The following ANO5 variants were observed in gnomAD, a reference collection of about 807,000 sequenced individuals.
ANO5 encodes the protein anoctamin 5.
In ANO5, 109 loss-of-function variants were observed where a neutral mutation model predicts 121.0. The observed-to-expected ratio is 0.90, with a 90% CI of 0.77 to 1.06. ANO5 has a LOEUF of 1.06. Among genes scored for constraint, ANO5 ranks in the 50% least tolerant of loss-of-function variants. ANO5 has a pLI of 0.00. For missense variants in ANO5, 1,064 were observed against 1,078.5 expected, an observed-to-expected ratio of 0.99 and a Z score of 0.19; for synonymous variants, 406 against 359.9, an observed-to-expected ratio of 1.13 and a Z score of -1.45.
At chr11:22,237,387 G>C (rs1182014243) in intron 8 of ANO5, among the ~76,000 whole-genome samples, 1 of 151,886 alleles carries the variant, frequency 6.6e-6, no homozygotes, top group Non-Finnish European at 1.5e-5. Flanking sequence ...TTTAATTTTT[G>C]TTTTGTTTAC....
intron 3 of ANO5, among the ~76,000 whole-genome samples, chr11:22,212,675 T>G (rs960264492): frequency 2.6e-5 from 4 of 151,948 alleles, no homozygotes; most frequent in African/African-American, 9.7e-5. Flanking sequence ...GGTATTTCAC[T>G]TGGCACAGTA....
rs868787906 is a variant in ANO5 at position 22,283,138 on chromosome 11, C to A, written c.*3373C>A. The A allele has an allele frequency of 2.0e-4, 30 of 152,310 alleles. No homozygotes were observed. The highest frequency in any genetic ancestry group is 3.4e-3 in the Middle Eastern group (1 of 294). The allele number at this position is 152,310 out of a possible 1,614,324, so 9.4% of individuals were successfully genotyped here. On this transcript the variant is annotated 3_prime_UTR_variant, in exon 22 of 22. Coordinates refer to ENST00000324559, the MANE Select transcript of ANO5 (RefSeq NM_213599.3). ...TATGAGATACCTGCTTCCTCCTCCT[C>A]AAAGGTTTGACTGGGTGTATCTCTC...
chr11:22,207,047 A>G (rs1852143099), intron 2 of ANO5, among the ~76,000 whole-genome samples: 1 of 152,092 alleles, frequency 6.6e-6, no homozygotes, highest in Non-Finnish European at 1.5e-5. Flanking sequence ...AATTTCCTAG[A>G]ACTGAGTTTA....
intron 18 of ANO5, among the ~76,000 whole-genome samples, chr11:22,270,757 T>A (rs920357175): frequency 1.3e-5 from 2 of 152,218 alleles, no homozygotes; most frequent in African/African-American, 4.8e-5. Flanking sequence ...CTTTGATGGC[T>A]ATTTCTCCAT....
rs7124079 is a variant in ANO5 at position 22,275,946 on chromosome 11, A to G, written c.2415-148A>G. 0.023 allele frequency: 14,299 copies of G among 619,782 alleles called. 1,618 individuals carry two copies. In the African/African-American group the frequency reaches 0.24, roughly 10 times the overall value. 38.4% of individuals were successfully genotyped at this position (619,782 alleles called of 1,614,324 possible). A position where few individuals can be genotyped will look rare whatever the true frequency, so the allele number is the denominator to read the frequency against. On this transcript the variant is annotated intron_variant, in intron 20 of 21. Transcript: ENST00000324559. ...GACTTTATGTGAACAAGAAAGATAA[A>G]TGTTTCATAATATCAGTTAACTTTG...
At chr11:22,200,493 A>G (rs1277025617) in intron 1 of ANO5, among the ~76,000 whole-genome samples, 2 of 152,180 alleles carry the variant, frequency 1.3e-5, no homozygotes, top group African/African-American at 2.4e-5. Context: ...TTGTGTGTTC[A>G]GGGTCAAGAT....
intron 5 of ANO5, 90 bp downstream of exon 5, chr11:22,221,300 G>C: frequency 8.8e-7 from 1 of 1,136,358 alleles, no homozygotes; most frequent in Non-Finnish European, 1.3e-6. Context: ...TGTTGTAAAA[G>C]TGAGAGGCCC....
intron 14 of ANO5, among the ~76,000 whole-genome samples, chr11:22,259,163 A>G (rs1259987179): frequency 6.6e-6 from 1 of 151,928 alleles, no homozygotes; most frequent in Non-Finnish European, 1.5e-5. Flanking sequence ...AAAAAAACAC[A>G]AAAGAACATT....
intron 6 of ANO5, 92 bp downstream of exon 6, chr11:22,226,144 G>A: frequency 9.6e-7 from 1 of 1,044,308 alleles, no homozygotes. Context: ...CTGTGTTTGG[G>A]GGCAATACAA....
intron 1 of ANO5, among the ~76,000 whole-genome samples, chr11:22,199,330 A>T (rs1386815389): frequency 6.6e-6 from 1 of 152,190 alleles, no homozygotes; most frequent in Non-Finnish European, 1.5e-5. Context: ...ACATTATGAG[A>T]TAGACATACC....
chr11:22,264,039 T>TTG (rs1468394786), intron 17 of ANO5, among the ~76,000 whole-genome samples: 1 of 150,958 alleles, frequency 6.6e-6, no homozygotes, highest in African/African-American at 2.4e-5. Context: ...TTTTTTTTTT[T>TTG]TTGAGACAGA....
intron 17 of ANO5, among the ~76,000 whole-genome samples, chr11:22,268,221 A>G (rs1381329162): frequency 6.6e-6 from 1 of 152,056 alleles, no homozygotes; most frequent in Admixed American, 6.6e-5. Context: ...TGGAAAAATA[A>G]TTTGGCTTTT....
intron 19 of ANO5, 40 bp from the exon 20 acceptor site, chr11:22,274,529 G>A: frequency 6.6e-7 from 1 of 1,524,670 alleles, no homozygotes; most frequent in Non-Finnish European, 8.8e-7. Context: ...AAACTAAATT[G>A]GCAGCTGATG....
intron 8 of ANO5, among the ~76,000 whole-genome samples, chr11:22,237,829 T>TGA (rs1411908922): frequency 2.0e-5 from 3 of 152,114 alleles, no homozygotes; most frequent in African/African-American, 7.2e-5. Flanking sequence ...AAACATCCAC[T>TGA]GAGGGTTGGT....
intron 12 of ANO5, among the ~76,000 whole-genome samples, chr11:22,253,225 A>G (rs1853884684): frequency 6.6e-6 from 1 of 152,132 alleles, no homozygotes; most frequent in African/African-American, 2.4e-5. Context: ...ATTCCTATAT[A>G]CTTATAATCA....
intron 1 of ANO5, among the ~76,000 whole-genome samples, chr11:22,201,676 G>A (rs1851968611): frequency 1.3e-5 from 2 of 152,150 alleles, no homozygotes; most frequent in African/African-American, 4.8e-5. Flanking sequence ...GTCATAACAT[G>A]GTGGAAGGCA....
intron 1 of ANO5, among the ~76,000 whole-genome samples, chr11:22,196,606 C>T (rs1851820822): frequency 6.6e-6 from 1 of 151,640 alleles, no homozygotes; most frequent in South Asian, 2.1e-4. Flanking sequence ...TGTGTTGGCT[C>T]ACGCCTGTAA....
intron 9 of ANO5, 100 bp downstream of exon 9, chr11:22,239,784 A>G (rs770732354): frequency 6.8e-5 from 59 of 873,014 alleles, no homozygotes; most frequent in Non-Finnish European, 1.0e-4. Flanking sequence ...CTCCCACTAC[A>G]TTTCACAACT....
chr11:22,265,636 G>A (rs1014679468), intron 17 of ANO5, among the ~76,000 whole-genome samples: 1 of 152,000 alleles, frequency 6.6e-6, no homozygotes, highest in African/African-American at 2.4e-5. Flanking sequence ...TAAATGGAGA[G>A]AAATATCATG....
Sources: gnomAD v4.1 joint callset for allele counts (sites outside exome capture counted in the v4.1 genomes callset) on GRCh38, gnomAD v4.1.1 for gene constraint, MANE v1.5 for transcripts, NCBI Gene and HGNC (gene_info 2026-07-23, HGNC 2026-07-21) for gene names.